STOX2: variants seen among roughly 807,000 people sequenced by gnomAD.
The protein encoded by STOX2 is storkhead box 2.
Under a neutral mutation model 60.9 loss-of-function variants are expected in STOX2, and 28 were observed. That is an observed-to-expected ratio of 0.46 (90% CI 0.34 to 0.63). The LOEUF is 0.63. STOX2 is among the 30% of genes least tolerant of loss of function. The probability of loss-of-function intolerance (pLI) is 0.01; values close to 1 mark genes in which losing one functional copy is unlikely to be tolerated. For missense variants in STOX2, 1,024 were observed against 1,187.7 expected (o/e 0.86, Z 2.03); for synonymous variants, 472 against 463.9 (o/e 1.02, Z -0.22).
At chr4:183,826,784 G>A (rs1283409565) in intron 1 of STOX2, among the ~76,000 whole-genome samples, 2 of 152,174 alleles carry the variant, frequency 1.3e-5, no homozygotes, top group South Asian at 2.1e-4. Flanking sequence ...TTTTCTCTGC[G>A]TCTGGAATCG....
intron 1 of STOX2, among the ~76,000 whole-genome samples, chr4:183,804,118 C>T (rs537858205): frequency 2.7e-4 from 41 of 152,216 alleles, no homozygotes; most frequent in African/African-American, 7.2e-4. Context: ...TTTCTAAATG[C>T]TTTATTTTTA....
intron 1 of STOX2, among the ~76,000 whole-genome samples, chr4:183,820,458 C>T (rs1739281373): frequency 6.6e-6 from 1 of 152,142 alleles, no homozygotes; most frequent in African/African-American, 2.4e-5. Flanking sequence ...GAATGTGGGC[C>T]CTCATCCCTG....
intron 1 of STOX2, among the ~76,000 whole-genome samples, chr4:183,851,750 G>C (rs1486412661): frequency 1.6e-5 from 2 of 123,106 alleles, no homozygotes; most frequent in African/African-American, 7.1e-5. Flanking sequence ...TGAGGGAAAG[G>C]ATGAGAGAAA....
At chr4:183,983,506 T>A (rs116953340) in intron 1 of STOX2, among the ~76,000 whole-genome samples, 1 of 152,352 alleles carries the variant, frequency 6.6e-6, no homozygotes, top group East Asian at 1.9e-4. Flanking sequence ...CCCCGACTGG[T>A]GCAGTCTTGA....
chr4:184,009,514 T>C lies in STOX2; in HGVS notation c.676T>C (p.Tyr226His). 1 of 1,614,042 alleles carries C rather than the reference T, an allele frequency of 6.2e-7. No individual in the cohort carries two copies. Among genetic ancestry groups the C allele is most frequent in the South Asian group, 1.1e-5 (1 of 91,080 alleles). The change falls in exon 3 of 4, where the codon TAC (tyrosine) becomes CAC (histidine). Residue 226 changes from tyrosine to histidine, a missense_variant. Around this residue, in one of 3 missense-constraint regions of STOX2, gnomAD observed 922 missense variants for 1,058.3 expected, o/e 0.87. Transcript: ENST00000308497. This position sits in a 1 kb window ranked among gnomAD's most constrained non-coding sequence, Gnocchi z 4.0. ...RKSAKDCKDP[Y>H]CPPSLCQVPP... The stretch of plus-strand genomic sequence containing the variant: ...GTCTGCCAAGGACTGCAAAGACCCT[T>C]ACTGTCCCCCTTCTCTGTGCCAGGT...
At chr4:183,962,454 T>C (rs1743440129) in intron 1 of STOX2, among the ~76,000 whole-genome samples, 1 of 152,236 alleles carries the variant, frequency 6.6e-6, no homozygotes, top group African/African-American at 2.4e-5. Context: ...GCAAAATTAA[T>C]ACGTTAAAGA....
intron 1 of STOX2, among the ~76,000 whole-genome samples, chr4:183,813,973 G>T (rs1739095955): frequency 6.6e-6 from 1 of 151,958 alleles, no homozygotes; most frequent in Non-Finnish European, 1.5e-5. Context: ...TTATTTCTGG[G>T]GCTATCTCTA....
chr4:183,874,411 GAC>G (rs915780585), intron 1 of STOX2, among the ~76,000 whole-genome samples: 4 of 152,108 alleles, frequency 2.6e-5, no homozygotes, highest in Non-Finnish European at 4.4e-5. Flanking sequence ...AGAGAAGGAG[GAC>G]AGTCCTTAGG....
At chr4:183,888,942 C>T (rs1444707333) in intron 1 of STOX2, among the ~76,000 whole-genome samples, 1 of 151,956 alleles carries the variant, frequency 6.6e-6, no homozygotes, top group Admixed American at 6.6e-5. Flanking sequence ...TGGCTTCTTC[C>T]TCTGTCAGGA....
At chr4:183,933,534 G>T (rs963773120) in intron 1 of STOX2, among the ~76,000 whole-genome samples, 3 of 151,998 alleles carry the variant, frequency 2.0e-5, no homozygotes, top group Admixed American at 1.3e-4. Context: ...GATTACAGGC[G>T]CCCGCCACCA....
intron 1 of STOX2, among the ~76,000 whole-genome samples, chr4:183,909,653 G>A (rs184648810): frequency 1.5e-3 from 226 of 152,308 alleles, no homozygotes; most frequent in Middle Eastern, 3.4e-3. Flanking sequence ...CAGGACATGA[G>A]AGAGCCTTGG....
intron 1 of STOX2, among the ~76,000 whole-genome samples, chr4:183,859,879 AT>A (rs1000047739): frequency 6.6e-6 from 1 of 151,484 alleles, no homozygotes; most frequent in Admixed American, 6.6e-5. Context: ...AATATTCTGT[AT>A]ATTAGGATTT....
intron 1 of STOX2, among the ~76,000 whole-genome samples, chr4:183,848,287 T>G (rs1174731100): frequency 1.3e-5 from 2 of 152,222 alleles, no homozygotes; most frequent in South Asian, 2.1e-4. Flanking sequence ...GGCTTCTATA[T>G]TCTCAGTTGT....
At chr4:183,876,153 G>T (rs1740823861) in intron 1 of STOX2, among the ~76,000 whole-genome samples, 1 of 152,172 alleles carries the variant, frequency 6.6e-6, no homozygotes, top group Admixed American at 6.5e-5. Context: ...TCTGCGTCTT[G>T]CAGACACCTG....
intron 1 of STOX2, among the ~76,000 whole-genome samples, chr4:183,888,778 C>T (rs1262220139): frequency 6.6e-6 from 1 of 152,142 alleles, no homozygotes; most frequent in Non-Finnish European, 1.5e-5. Flanking sequence ...ATCTCAAGTG[C>T]TACCTTTTCC....
In STOX2 at chr4:184,021,170, C is replaced by T. The variant is rs577541540; in HGVS notation, c.*3886C>T. ...AACAACAACCGATAATGACTTTGCACGATTCACTTTGGGATCTCAAAGTGC... is the reference window on the plus strand; with the variant it reads ...AACAACAACCGATAATGACTTTGCATGATTCACTTTGGGATCTCAAAGTGC... On this transcript the variant is annotated 3_prime_UTR_variant, in exon 4 of 4. Coordinates refer to ENST00000308497, the MANE Select transcript of STOX2 (RefSeq NM_020225.3). 19 of 152,180 alleles carry T rather than the reference C, an allele frequency of 1.2e-4. No homozygotes were observed. Among genetic ancestry groups the T allele is most frequent in the Admixed American group, 9.8e-4 (15 of 15,278 alleles). The allele number at this position is 152,180 out of a possible 1,614,324, so 9.4% of individuals were successfully genotyped here. A position where few individuals can be genotyped will look rare whatever the true frequency, so the allele number is the denominator to read the frequency against.
intron 1 of STOX2, among the ~76,000 whole-genome samples, chr4:183,829,219 C>A (rs539786699): frequency 9.9e-4 from 151 of 152,252 alleles, no homozygotes; most frequent in African/African-American, 3.4e-3. Flanking sequence ...ATATTTGAGG[C>A]ATTTAGTTAA....
chr4:183,980,519 C>T (rs1459806581), intron 1 of STOX2, among the ~76,000 whole-genome samples: 7 of 152,144 alleles, frequency 4.6e-5, no homozygotes, highest in Non-Finnish European at 8.8e-5. Flanking sequence ...CCTCCCTGAA[C>T]TGGGTGTTCC....
Position 183,906,185 on chromosome 4 carries a change from CG to C in STOX2, c.-602del. On this transcript the variant is annotated 5_prime_UTR_variant, in exon 1 of 4. An upstream open reading frame in the 5' UTR loses its in-frame stop. Transcript: ENST00000308497. The stretch of plus-strand genomic sequence containing the variant: ...CAGCGGAGGCAGAGCCAGCCAGCGC[CG>C]GGGACTGCGGGCCGTGCGGCTGATA... 1 of 152,492 alleles carries C rather than the reference CG, an allele frequency of 6.6e-6. No individual in the cohort carries two copies. Among genetic ancestry groups the C allele is most frequent in the Non-Finnish European group, 1.5e-5 (1 of 68,178 alleles). 9.4% of individuals were successfully genotyped at this position (152,492 alleles called of 1,614,324 possible).
Sources: gnomAD v4.1 joint callset for allele counts (sites outside exome capture counted in the v4.1 genomes callset) on GRCh38, gnomAD v4.1.1 for gene constraint, gnomAD v4.1.1 regional missense constraint, Gnocchi (gnomAD v3.1) non-coding constraint, MANE v1.5 for transcripts, NCBI Gene and HGNC (gene_info 2026-07-23, HGNC 2026-07-21) for gene names.